Variants in CNTN6 observed in about 807,000 individuals in gnomAD.
CNTN6 encodes contactin-6.
CNTN6 carries 137 observed loss-of-function variants against 122.8 expected under a neutral mutation model. The ratio of observed to expected loss-of-function variants is 1.12; its 90% CI spans 0.97 to 1.29. The LOEUF (loss-of-function observed/expected upper bound fraction) is 1.29, where lower values mean the gene tolerates loss of function less well. Among genes scored for constraint, CNTN6 ranks in the 50% most tolerant of loss-of-function variants. CNTN6 has a pLI of 0.00. For synonymous variants in CNTN6, 570 were observed against 426.0 expected, an observed-to-expected ratio of 1.34 and a Z score of -4.16; for missense variants, 1,634 against 1,223.4, an observed-to-expected ratio of 1.34 and a Z score of -5.01.
At chr3:1,203,198 CA>C (rs1412917226) in intron 2 of CNTN6, among the ~76,000 whole-genome samples, 1 of 152,034 alleles carries the variant, frequency 6.6e-6, no homozygotes, top group East Asian at 1.9e-4. Context: ...ACAACAGTAG[CA>C]AAAATGTCTC....
intron 2 of CNTN6, among the ~76,000 whole-genome samples, chr3:1,183,139 C>T (rs770992192): frequency 2.0e-5 from 3 of 151,988 alleles, no homozygotes; most frequent in African/African-American, 7.3e-5. Flanking sequence ...TTAAAGGCAA[C>T]GCATAATGCC....
intron 2 of CNTN6, among the ~76,000 whole-genome samples, chr3:1,175,855 T>C (rs2093439422): frequency 2.6e-5 from 4 of 151,718 alleles, no homozygotes; most frequent in Admixed American, 2.0e-4. Flanking sequence ...GGGTTAAAAG[T>C]GAGACTTGGT....
intron 12 of CNTN6, among the ~76,000 whole-genome samples, chr3:1,354,709 G>T (rs924858425): frequency 2.6e-5 from 4 of 151,422 alleles, no homozygotes; most frequent in African/African-American, 9.7e-5. Context: ...ATTATCTTAT[G>T]CAGCTTAGTT....
chr3:1,330,803 A>C (rs1702184337), intron 11 of CNTN6, among the ~76,000 whole-genome samples: 1 of 151,884 alleles, frequency 6.6e-6, no homozygotes, highest in Non-Finnish European at 1.5e-5. Flanking sequence ...AAAAAATGAC[A>C]GTTGTTACTC....
At chr3:1,361,466 AT>A (rs1489595764) in intron 12 of CNTN6, among the ~76,000 whole-genome samples, 1 of 152,104 alleles carries the variant, frequency 6.6e-6, no homozygotes, top group Non-Finnish European at 1.5e-5. Flanking sequence ...TACTAATTAA[AT>A]GGTTTTCAAT....
At chr3:1,146,566 A>C (rs1309931706) in intron 1 of CNTN6, among the ~76,000 whole-genome samples, 1 of 126,240 alleles carries the variant, frequency 7.9e-6, no homozygotes, top group Non-Finnish European at 1.7e-5. Flanking sequence ...TAATATTATC[A>C]TATTTACTAC....
At chr3:1,355,597 T>G (rs1160955575) in intron 12 of CNTN6, among the ~76,000 whole-genome samples, 2 of 151,776 alleles carry the variant, frequency 1.3e-5, no homozygotes, top group East Asian at 3.9e-4. Flanking sequence ...TGTGTATATA[T>G]GTATGTGTAT....
At chr3:1,367,777 C>G (rs551277295) in intron 12 of CNTN6, among the ~76,000 whole-genome samples, 1 of 152,058 alleles carries the variant, frequency 6.6e-6, no homozygotes, top group East Asian at 1.9e-4. Flanking sequence ...ACATCAGAAC[C>G]TGGGCCTCTT....
rs1014940955 is a variant in CNTN6, at chr3:1,340,546, G to C, written c.1364+10611G>C. Reference sequence around the variant, plus strand: ...AGAGGTAGATATGTAAATTCAGTAAGCAGGTTAAAGTCGCTAAGCCCCACA... The same window carrying C: ...AGAGGTAGATATGTAAATTCAGTAACCAGGTTAAAGTCGCTAAGCCCCACA... On this transcript the variant is annotated intron_variant, in intron 11 of 22. Transcript: ENST00000446702. Among the ~76,000 whole-genome samples the C allele has an allele frequency of 2.2e-4, 33 of 152,138 alleles. 1 individual carries two copies. Among genetic ancestry groups the C allele is most frequent in the African/African-American group, 8.0e-4 (33 of 41,442 alleles).
At chr3:1,334,607 G>A (rs1027201926) in intron 11 of CNTN6, among the ~76,000 whole-genome samples, 1 of 152,028 alleles carries the variant, frequency 6.6e-6, no homozygotes, top group Non-Finnish European at 1.5e-5. Context: ...CCAGGTGACT[G>A]AGCCAAACAC....
chr3:1,134,178 T>C lies in CNTN6; in HGVS notation c.-82-13749T>C, dbSNP rs565774586. ...TGATCCGTTACTTGAAGTAGTGTTA[T>C]ATTACTTGGAAGTCGGCCTCCTCCT... On this transcript the variant is annotated intron_variant, in intron 1 of 22. Transcript: ENST00000446702. 1.7e-3 allele frequency among the ~76,000 whole-genome samples: 264 copies of C among 152,282 alleles called. 2 individuals are homozygous for C. Among genetic ancestry groups the C allele is most frequent in the African/African-American group, 5.6e-3 (233 of 41,562 alleles).
At chr3:1,228,566 G>A (rs889080271) in intron 4 of CNTN6, among the ~76,000 whole-genome samples, 15 of 152,226 alleles carry the variant, frequency 9.9e-5, no homozygotes, top group African/African-American at 1.7e-4. Flanking sequence ...GACATACTGC[G>A]TCTAATATCC....
At chr3:1,308,646 A>C (rs954584573) in intron 7 of CNTN6, among the ~76,000 whole-genome samples, 3 of 151,970 alleles carry the variant, frequency 2.0e-5, no homozygotes, top group African/African-American at 7.3e-5. Flanking sequence ...CTCCGACTCT[A>C]ATCCATTACC....
rs986611697 is a variant in CNTN6, at chr3:1,165,113, G to T, written c.55+17050G>T. On this transcript the variant is annotated intron_variant, in intron 2 of 22. Coordinates refer to ENST00000446702, the MANE Select transcript of CNTN6 (RefSeq NM_001289080.2). ...ATGATCTCTCATGACATTATTAGAGGGTCAGAGATGTTACATGCTTGTCCA... is the reference window on the plus strand; with the variant it reads ...ATGATCTCTCATGACATTATTAGAGTGTCAGAGATGTTACATGCTTGTCCA... Among the ~76,000 whole-genome samples the T allele has an allele frequency of 2.2e-4, 33 of 152,076 alleles. 1 individual carries two copies. Among genetic ancestry groups the T allele is most frequent in the Admixed American group, 6.5e-5 (1 of 15,274 alleles).
intron 5 of CNTN6, among the ~76,000 whole-genome samples, chr3:1,289,445 C>G (rs189497320): frequency 9.9e-5 from 15 of 152,266 alleles, no homozygotes; most frequent in Admixed American, 7.8e-4. Flanking sequence ...CCCTCTGCTT[C>G]TTCACTTGTA....
At chr3:1,291,181 C>A (rs996892062) in intron 5 of CNTN6, among the ~76,000 whole-genome samples, 1 of 152,160 alleles carries the variant, frequency 6.6e-6, no homozygotes, top group Non-Finnish European at 1.5e-5. Flanking sequence ...TTCTTGCACC[C>A]TTAGCCTCAT....
chr3:1,161,262 T>G (rs1446334351), intron 2 of CNTN6, among the ~76,000 whole-genome samples: 2 of 101,102 alleles, frequency 2.0e-5, no homozygotes, highest in East Asian at 8.3e-4. Context: ...ATATATATGA[T>G]ATATATATAT....
intron 11 of CNTN6, among the ~76,000 whole-genome samples, chr3:1,343,761 T>C (rs1356605657): frequency 6.6e-6 from 1 of 152,114 alleles, no homozygotes; most frequent in Non-Finnish European, 1.5e-5. Flanking sequence ...AACAAGATGA[T>C]GATGTTATTA....
chr3:1,372,364 C>A lies in CNTN6; in HGVS notation c.1558C>A (p.Pro520Thr). 6.2e-7 allele frequency: 1 copy of A among 1,613,406 alleles called. No homozygotes were observed. Among genetic ancestry groups the A allele is most frequent in the Non-Finnish European group, 8.5e-7 (1 of 1,179,552 alleles). Residue 520 changes from proline (P) to threonine (T), a missense_variant, in exon 13 of 23, where the codon CCA becomes ACA. Pro to Thr is a conservative substitution (Grantham distance 38). Coordinates refer to ENST00000446702, the MANE Select transcript of CNTN6 (RefSeq NM_001289080.2). Reference sequence around the variant, plus strand: ...TACAGTTGGCGAGAGTATAGTGCTACCATGCCAGGTGTCCCATGACCCCTC... The same window carrying A: ...TACAGTTGGCGAGAGTATAGTGCTAACATGCCAGGTGTCCCATGACCCCTC... ...DVTVGESIVL[P>T]CQVSHDPSIE...
Sources: gnomAD v4.1 joint callset for allele counts (sites outside exome capture counted in the v4.1 genomes callset) on GRCh38, gnomAD v4.1.1 for gene constraint, MANE v1.5 for transcripts, NCBI Gene and HGNC (gene_info 2026-07-23, HGNC 2026-07-21) for gene names.